The following GRIN2B variants were observed in gnomAD, a reference collection of about 807,000 sequenced individuals.
GRIN2B encodes glutamate ionotropic receptor NMDA type subunit 2B.
Under a neutral mutation model 114.5 loss-of-function variants are expected in GRIN2B, and 5 were observed. That is an observed-to-expected ratio of 0.04 (90% CI 0.02 to 0.09). The LOEUF is 0.09. GRIN2B is among the 10% of genes least tolerant of loss of function. The pLI, the probability that GRIN2B is intolerant of heterozygous loss-of-function variation, is 1.00. For missense variants in GRIN2B, 1,108 were observed against 1,943.5 expected (o/e 0.57, Z 8.08); for synonymous variants, 787 against 745.1 (o/e 1.06, Z -0.92).
chr12:13,791,530 A>C (rs1864321747), intron 3 of GRIN2B, among the ~76,000 whole-genome samples: 4 of 152,082 alleles, frequency 2.6e-5, no homozygotes. Context: ...GAACCACAGA[A>C]TGCACCATGG....
chr12:13,923,940 C>T (rs1671113529), intron 2 of GRIN2B, among the ~76,000 whole-genome samples: 1 of 152,156 alleles, frequency 6.6e-6, no homozygotes, highest in African/African-American at 2.4e-5. Context: ...GCTACTCCAA[C>T]AATAACTAAC....
chr12:13,608,064 T>A (rs1321181644), intron 10 of GRIN2B, among the ~76,000 whole-genome samples: 1 of 152,172 alleles, frequency 6.6e-6, no homozygotes, highest in Non-Finnish European at 1.5e-5. Flanking sequence ...AGCCCATTCA[T>A]CAGCACCACA....
At chr12:13,955,249 A>G (rs1369975908) in intron 2 of GRIN2B, among the ~76,000 whole-genome samples, 1 of 152,220 alleles carries the variant, frequency 6.6e-6, no homozygotes, top group East Asian at 1.9e-4. Flanking sequence ...ATTTAGACCT[A>G]GCATTCCTTG....
chr12:13,945,084 A>T (rs939080130), intron 2 of GRIN2B, among the ~76,000 whole-genome samples: 5 of 152,196 alleles, frequency 3.3e-5, no homozygotes, highest in African/African-American at 1.2e-4. Flanking sequence ...TTAAGAATAG[A>T]GTGGTTCAAT....
At chr12:13,662,010 T>A (rs1475749533) in intron 5 of GRIN2B, among the ~76,000 whole-genome samples, 1 of 152,066 alleles carries the variant, frequency 6.6e-6, no homozygotes, top group Non-Finnish European at 1.5e-5. Context: ...GACAAGGAAG[T>A]GAAGTAATTT....
intron 3 of GRIN2B, among the ~76,000 whole-genome samples, chr12:13,807,692 G>A (rs974402857): frequency 8.1e-5 from 11 of 135,170 alleles, no homozygotes; most frequent in Admixed American, 7.5e-5. Context: ...ACAAGCAGAC[G>A]TTTATTAAGC....
At chr12:13,852,795 T>C (rs913326532) in intron 3 of GRIN2B, among the ~76,000 whole-genome samples, 4 of 150,330 alleles carry the variant, frequency 2.7e-5, no homozygotes, top group Non-Finnish European at 5.9e-5. Flanking sequence ...TGGCATATGC[T>C]CCATCCACGA....
At chr12:13,840,800 G>C (rs1447476353) in intron 3 of GRIN2B, among the ~76,000 whole-genome samples, 1 of 151,624 alleles carries the variant, frequency 6.6e-6, no homozygotes, top group East Asian at 1.9e-4. Flanking sequence ...TGAGTTTTTT[G>C]TTGTTGGTGG....
rs1317725909 is a variant in GRIN2B, at chr12:13,564,864, G to GT, written c.2599-226_2599-225insA. Reference sequence around the variant, plus strand: ...GAGGTCAGTGACCTGGCCATCAGAGGGGGGGGCATGGCCCCACCCAGTAAC... The same window carrying GT: ...GAGGTCAGTGACCTGGCCATCAGAGGTGGGGGGCATGGCCCCACCCAGTAAC... On this transcript the variant is annotated intron_variant, in intron 13 of 13. Transcript: ENST00000609686. The surrounding 1 kb of genome is among the most constrained non-coding windows in gnomAD (Gnocchi z 4.8). 6.6e-6 allele frequency among the ~76,000 whole-genome samples: 1 copy of GT among 152,166 alleles called. No individual in the cohort carries two copies. The highest frequency in any genetic ancestry group is 1.5e-5 in the Non-Finnish European group (1 of 68,018).
intron 5 of GRIN2B, among the ~76,000 whole-genome samples, chr12:13,665,848 T>C (rs1303875598): frequency 6.6e-6 from 1 of 152,146 alleles, no homozygotes; most frequent in African/African-American, 2.4e-5. Flanking sequence ...ATAGGGAAAA[T>C]GGAATTTTGT....
chr12:13,900,267 A>G (rs767705528), intron 2 of GRIN2B, among the ~76,000 whole-genome samples: 1 of 152,126 alleles, frequency 6.6e-6, no homozygotes, highest in Non-Finnish European at 1.5e-5. Context: ...TGAGGTCAGG[A>G]GTTCGAGACC....
intron 4 of GRIN2B, among the ~76,000 whole-genome samples, chr12:13,702,274 C>T (rs928158244): frequency 6.6e-6 from 1 of 152,204 alleles, no homozygotes; most frequent in African/African-American, 2.4e-5. Flanking sequence ...TCACCAGGAT[C>T]TTTCCCTTAA....
chr12:13,800,958 G>A (rs1203174005), intron 3 of GRIN2B, among the ~76,000 whole-genome samples: 2 of 152,178 alleles, frequency 1.3e-5, no homozygotes, highest in Admixed American at 6.5e-5. Context: ...TAGTAGATCA[G>A]CAAGTATTAA....
At chr12:13,722,330 G>A (rs1862897830) in intron 4 of GRIN2B, among the ~76,000 whole-genome samples, 1 of 152,040 alleles carries the variant, frequency 6.6e-6, no homozygotes, top group Admixed American at 6.6e-5. Flanking sequence ...TGGAGAAGGA[G>A]AAATAGCAAA....
intron 10 of GRIN2B, among the ~76,000 whole-genome samples, chr12:13,605,542 CTCTCTCTCTG>C (rs1331523389): frequency 2.6e-5 from 2 of 78,122 alleles, no homozygotes; most frequent in Admixed American, 1.5e-4. Context: ...CTCTCTCTCT[CTCTCTCTCTG>C]ACACACACAC....
chr12:13,578,101 G>C (rs1472569528), intron 10 of GRIN2B, among the ~76,000 whole-genome samples: 2 of 152,142 alleles, frequency 1.3e-5, no homozygotes, highest in East Asian at 3.9e-4. Context: ...ACAATCTTTT[G>C]TAGAGATAAG....
At position 13,692,922 on chromosome 12, in the gene GRIN2B, C is replaced by G. The variant is rs532119931; in HGVS notation, c.1011-17063G>C. Among the ~76,000 whole-genome samples the G allele has an allele frequency of 2.6e-5, 4 of 151,606 alleles. No individual in the cohort carries two copies. The East Asian group carries it at 7.8e-4, about 29-fold the overall frequency. ...TAGCTGGGATTACAGGCGCCTGCCA[C>G]CACACCCGGCTAATTTTGTATTTTT... On this transcript the variant is annotated intron_variant, in intron 4 of 13. Transcript: ENST00000609686.
intron 4 of GRIN2B, among the ~76,000 whole-genome samples, chr12:13,744,904 C>T (rs7955546): frequency 0.021 from 3,184 of 152,260 alleles, 110 homozygotes; most frequent in African/African-American, 0.072. Context: ...TCCTTGGCTT[C>T]TCCCGTGCCC....
chr12:13,831,954 A>G (rs1865155959), intron 3 of GRIN2B, among the ~76,000 whole-genome samples: 1 of 152,238 alleles, frequency 6.6e-6, no homozygotes, highest in Admixed American at 6.5e-5. Context: ...GTCTGTTCCA[A>G]AATACAGGCT....
Sources: allele counts gnomAD v4.1 joint callset (sites outside exome capture counted in the v4.1 genomes callset), GRCh38; gene constraint gnomAD v4.1.1; non-coding constraint Gnocchi (gnomAD v3.1); transcripts MANE v1.5; gene names NCBI Gene and HGNC (gene_info 2026-07-23, HGNC 2026-07-21).